DNAH12: variants seen among roughly 807,000 people sequenced by gnomAD.
The protein encoded by DNAH12 is dynein axonemal heavy chain 12, also known as axonemal beta dynein heavy chain 12.
DNAH12 carries 285 observed loss-of-function variants against 371.5 expected under a neutral mutation model. The ratio of observed to expected loss-of-function variants is 0.77; its 90% CI spans 0.70 to 0.85. DNAH12 has a LOEUF of 0.85. Among genes scored for constraint, DNAH12 ranks in the 40% least tolerant of loss-of-function variants. The pLI is 0.00. For missense variants in DNAH12, 3,611 were observed against 3,689.4 expected, an observed-to-expected ratio of 0.98 and a Z score of 0.55; for synonymous variants, 1,200 against 1,213.0, an observed-to-expected ratio of 0.99 and a Z score of 0.22.
chr3:57,403,317 C>A lies in DNAH12; in HGVS notation c.6940G>T (p.Asp2314Tyr). 4 of 1,542,826 alleles carry A rather than the reference C, an allele frequency of 2.6e-6. No individual in the cohort carries two copies. In the African/African-American group the frequency reaches 4.1e-5, roughly 16 times the overall value. The change falls in exon 43 of 74, where the codon GAT becomes TAT. Residue 2314 changes from aspartate (D) to tyrosine (Y), a missense_variant. Transcript: ENST00000495027. ...CTTCTTCATAATTTTACCTTCATAT[C>A]CTCTCTCCATTCATTCATACCATAG... ...KSYGMNEWRE[D>Y]MKGLLRNVGM...
chr3:57,413,943 C>T lies in DNAH12; in HGVS notation c.5854-31G>A, dbSNP rs533172978. ...ATATGAAGGAAGAATGGTATATTTACCTATAATTGAATTAGGGATTTATCA... is the reference window on the plus strand; with the variant it reads ...ATATGAAGGAAGAATGGTATATTTATCTATAATTGAATTAGGGATTTATCA... On this transcript the variant is annotated intron_variant, in intron 38 of 73. Coordinates refer to ENST00000495027, the MANE Select transcript of DNAH12 (RefSeq NM_001366028.2). The T allele has an allele frequency of 7.8e-6, 12 of 1,530,898 alleles. No individual in the cohort carries two copies. In the East Asian group the frequency reaches 2.7e-4, roughly 35 times the overall value. 94.8% of individuals were successfully genotyped at this position (1,530,898 alleles called of 1,614,324 possible). A position where few individuals can be genotyped will look rare whatever the true frequency, so the allele number is the denominator to read the frequency against.
At position 57,470,550 on chromosome 3, in the gene DNAH12, G is replaced by C; in HGVS notation, c.1998C>G (p.Phe666Leu). The C allele has an allele frequency of 6.5e-7, 1 of 1,549,870 alleles. No individual in the cohort carries two copies. The highest frequency in any genetic ancestry group is 1.2e-5 in the South Asian group (1 of 83,416). The part of the protein sequence containing the change: ...VQFINKEEEL[F>L]KWELTKYPEL... ...CAGGATATTTTGTCAATTCCCACTTGAAAAGTTCCTCTTCTTTATTAATAA... is the reference window on the plus strand; with the variant it reads ...CAGGATATTTTGTCAATTCCCACTTCAAAAGTTCCTCTTCTTTATTAATAA... The change falls in exon 16 of 74, where the codon TTC (phenylalanine) becomes TTG (leucine). Residue 666 changes from phenylalanine (F) to leucine (L), a missense_variant. Physicochemically the swap from Phe to Leu is conservative, Grantham distance 22 (BLOSUM62 0). Around this residue, in one of 3 missense-constraint regions of DNAH12, gnomAD observed 1,314 missense variants for 1,398.7 expected, o/e 0.94. Coordinates refer to ENST00000495027, the MANE Select transcript of DNAH12 (RefSeq NM_001366028.2).
At chr3:57,308,041 G>A (rs1575428725) in intron 69 of DNAH12, among the ~76,000 whole-genome samples, 1 of 151,950 alleles carries the variant, frequency 6.6e-6, no homozygotes, top group Non-Finnish European at 1.5e-5. Context: ...GATTATTCAG[G>A]CCCCCTCCCT....
At position 57,433,357 on chromosome 3, in the gene DNAH12, C is replaced by T. The variant is rs1011563214; in HGVS notation, c.4980+10G>A. 1.4e-5 allele frequency: 21 copies of T among 1,543,400 alleles called. No individual in the cohort carries two copies. The highest frequency in any genetic ancestry group is 1.8e-5 in the Non-Finnish European group (21 of 1,143,700). ...TGGCTGAATCTGCTTCTCTTTTGAT[C>T]ATGATTTACCTTTTTATTATCATCC... On this transcript the variant is annotated intron_variant, in intron 32 of 73. Transcript: ENST00000495027.
Position 57,507,794 on chromosome 3 carries a change from G to A in DNAH12, c.746C>T (p.Ser249Leu). ...CTCTTCTGCGTTTCTAGTTTGTATT[G>A]ATAGATCAGTTTTCAGTGATTCACA... The part of the protein sequence containing the change: ...IDCESLKTDL[S>L]IQTRNAEEKI... The change falls in exon 8 of 74, where the codon TCA becomes TTA. Residue 249 changes from serine to leucine, a missense_variant. Coordinates refer to ENST00000495027, the MANE Select transcript of DNAH12 (RefSeq NM_001366028.2). 3 of 1,598,964 alleles carry A rather than the reference G, an allele frequency of 1.9e-6. No individual in the cohort carries two copies. The highest frequency in any genetic ancestry group is 4.5e-5 in the East Asian group (2 of 44,264).
Position 57,419,424 on chromosome 3 carries a change from G to C in DNAH12, c.5657C>G (p.Pro1886Arg). 6.6e-7 allele frequency: 1 copy of C among 1,510,296 alleles called. No individual in the cohort carries two copies. The highest frequency in any genetic ancestry group is 1.3e-5 in the South Asian group (1 of 74,562). The allele number at this position is 1,510,296 out of a possible 1,614,324, so 93.6% of individuals were successfully genotyped here. ...KQIKIQDIIVPTMDTIRYTFL... is the reference protein window; with the variant it reads ...KQIKIQDIIVRTMDTIRYTFL... ...CGTATATCTAATTGTGTCCATCGTA[G>C]GGACTATGATATCTTGAATCTTGAT... is the stretch of plus-strand genomic sequence containing the variant. Residue 1886 changes from proline to arginine, a missense_variant, in exon 37 of 74, where the codon CCT (proline) becomes CGT (arginine). Around this residue, in one of 3 missense-constraint regions of DNAH12, gnomAD observed 2,266 missense variants for 2,236.9 expected, o/e 1.01. Transcript: ENST00000495027.
intron 29 of DNAH12, among the ~76,000 whole-genome samples, chr3:57,443,195 C>G (rs900253533): frequency 6.6e-6 from 1 of 152,262 alleles, no homozygotes; most frequent in Non-Finnish European, 1.5e-5. Context: ...CTGCAACCTC[C>G]GCCTCCCGGG....
chr3:57,529,928 T>G (rs542936681), intron 2 of DNAH12, among the ~76,000 whole-genome samples: 12 of 152,256 alleles, frequency 7.9e-5, no homozygotes, highest in African/African-American at 2.6e-4. Context: ...TTTCATATGT[T>G]GCATTTCCAT....
chr3:57,322,107 G>C (rs1387350670), intron 65 of DNAH12, among the ~76,000 whole-genome samples: 7 of 152,118 alleles, frequency 4.6e-5, no homozygotes, highest in Non-Finnish European at 2.9e-5. Context: ...TACAAACTAA[G>C]ATTCATTCAT....
chr3:57,482,822 A>G (rs1321780019), intron 13 of DNAH12, among the ~76,000 whole-genome samples: 2 of 151,500 alleles, frequency 1.3e-5, no homozygotes, highest in Non-Finnish European at 2.9e-5. Context: ...TATTGCAAGG[A>G]CAAAAAACTA....
At chr3:57,381,875 AT>A (rs1324978712) in intron 50 of DNAH12, among the ~76,000 whole-genome samples, 6 of 148,642 alleles carry the variant, frequency 4.0e-5, no homozygotes, top group African/African-American at 7.4e-5. Context: ...ATATATATAT[AT>A]TTTTTTTTTT....
At position 57,314,595 on chromosome 3, in the gene DNAH12, G is replaced by GA; in HGVS notation, c.10560dup (p.His3521SerfsTer22). ...TTCTTTCTCTCTTGCACAAGGGCAT[G>GA]AAAAAAACAAACTCCAAACAGTAAC... On this transcript the variant is annotated frameshift_variant, in exon 66 of 74. Transcript: ENST00000495027. LOFTEE classifies it high-confidence loss of function. The GA allele has an allele frequency of 7.1e-6, 11 of 1,548,274 alleles. No individual in the cohort carries two copies. Among genetic ancestry groups the GA allele is most frequent in the Admixed American group, 6.0e-5 (3 of 50,194 alleles).
chr3:57,461,741 T>C, intron 18 of DNAH12, 52 bp from the exon 19 acceptor site: 2 of 1,425,318 alleles, frequency 1.4e-6, no homozygotes, highest in Non-Finnish European at 1.9e-6. Context: ...GGATCTTATT[T>C]ACTATATTGA....
intron 47 of DNAH12, 136 bp downstream of exon 47, chr3:57,386,305 A>G (rs956930804): frequency 6.6e-6 from 1 of 152,238 alleles, no homozygotes; most frequent in African/African-American, 2.4e-5. Flanking sequence ...GTTATGAAGA[A>G]TAACTGAAGG....
At chr3:57,439,866 A>C (rs1451456626) in intron 29 of DNAH12, among the ~76,000 whole-genome samples, 2 of 152,176 alleles carry the variant, frequency 1.3e-5, no homozygotes, top group Non-Finnish European at 2.9e-5. Context: ...AAAAATGGGC[A>C]AAGGATACGA....
intron 66 of DNAH12, 51 bp downstream of exon 66, chr3:57,314,443 G>T (rs146130771): frequency 5.2e-6 from 8 of 1,547,624 alleles, no homozygotes; most frequent in Non-Finnish European, 7.0e-6. Context: ...ACTTGCCTAG[G>T]GCCTGATAAA....
rs1477425256 is a variant in DNAH12, at chr3:57,491,416, A to G, written c.1336-1729T>C. On this transcript the variant is annotated intron_variant, in intron 11 of 73. Coordinates refer to ENST00000495027, the MANE Select transcript of DNAH12 (RefSeq NM_001366028.2). The stretch of plus-strand genomic sequence containing the variant: ...TTAAGCTACATGGTTATTAACACCT[A>G]GGTTATAATTACCTATCGGTCTATA... 2.0e-5 allele frequency among the ~76,000 whole-genome samples: 3 copies of G among 152,184 alleles called. No homozygotes were observed. The East Asian group carries it at 5.8e-4, about 29-fold the overall frequency.
Position 57,314,539 on chromosome 3 carries a change from A to G in DNAH12, c.10617T>C (p.Tyr3539=). The G allele has an allele frequency of 1.9e-6, 3 of 1,551,310 alleles. No homozygotes were observed. The highest frequency in any genetic ancestry group is 1.2e-5 in the South Asian group (1 of 83,892). ...TGCGCAAGTCAGATTCATTAAATCCATATGGAATATTCCAACCAAGAGGAC... is the reference window on the plus strand; with the variant it reads ...TGCGCAAGTCAGATTCATTAAATCCGTATGGAATATTCCAACCAAGAGGAC... ...KFGPLGWNIP[Y]GFNESDLRIS... is the part of the protein sequence containing the mutation. The change falls in exon 66 of 74, where the codon TAT becomes TAC. Residue 3539 remains tyrosine, a synonymous_variant. Transcript: ENST00000495027.
At chr3:57,393,855 T>C (rs2063683772) in intron 44 of DNAH12, among the ~76,000 whole-genome samples, 9 of 152,126 alleles carry the variant, frequency 5.9e-5, no homozygotes, top group Non-Finnish European at 1.5e-5. Flanking sequence ...ATTAAAATCA[T>C]GTTTTCTTAC....
Sources: allele counts gnomAD v4.1 joint callset (sites outside exome capture counted in the v4.1 genomes callset), GRCh38; gene constraint gnomAD v4.1.1; regional missense constraint gnomAD v4.1.1; transcripts MANE v1.5; gene names NCBI Gene and HGNC (gene_info 2026-07-23, HGNC 2026-07-21).